Variants in RGS5 observed in about 807,000 individuals in gnomAD.
RGS5 encodes regulator of G protein signaling 5.
RGS5 carries 20 observed loss-of-function variants against 18.9 expected under a neutral mutation model. That is an observed-to-expected ratio of 1.06 (90% confidence interval 0.74 to 1.54). RGS5 has a LOEUF of 1.54. RGS5 is among the 40% of genes most tolerant of loss of function. The pLI, the probability that RGS5 is intolerant of heterozygous loss-of-function variation, is 0.00. For synonymous variants in RGS5, 57 were observed against 76.2 expected, an observed-to-expected ratio of 0.75 and a Z score of 1.31; for missense variants, 201 against 211.8, an observed-to-expected ratio of 0.95 and a Z score of 0.32.
In RGS5 at chr1:163,145,796, A is replaced by C. The variant is rs1338767815; in HGVS notation, c.*1546T>G. ...GCTTCACTTTCAATATTCTTAGGAA[A>C]TAACCAAATAAATGAGCTACAAATA... On this transcript the variant is annotated 3_prime_UTR_variant, in exon 5 of 5. Transcript: ENST00000313961. 3.3e-5 allele frequency: 5 copies of C among 152,202 alleles called. No homozygotes were observed. The highest frequency in any genetic ancestry group is 7.3e-5 in the Non-Finnish European group (5 of 68,034). The allele number at this position is 152,202 out of a possible 1,614,324, so 9.4% of individuals were successfully genotyped here. A position where few individuals can be genotyped will look rare whatever the true frequency, so the allele number is the denominator to read the frequency against.
upstream of RGS5, among the ~76,000 whole-genome samples, chr1:163,204,542 G>T (rs537228682): frequency 7.9e-5 from 12 of 152,196 alleles, no homozygotes; most frequent in East Asian, 1.5e-3. Flanking sequence ...AATACACAGG[G>T]TCTAGTTTTG....
intron 2 of RGS5, among the ~76,000 whole-genome samples, chr1:163,276,169 T>A (rs1648847450): frequency 6.6e-6 from 1 of 152,090 alleles, no homozygotes; most frequent in South Asian, 2.1e-4. Context: ...TAATTTTGTA[T>A]TTTTAGTAAA....
intron 1 of RGS5, among the ~76,000 whole-genome samples, chr1:163,185,543 C>T (rs1659034570): frequency 6.6e-6 from 1 of 152,174 alleles, no homozygotes; most frequent in Admixed American, 6.5e-5. Context: ...TCTCTCTTTC[C>T]TCCTGTCATC....
intron 2 of RGS5, among the ~76,000 whole-genome samples, chr1:163,263,156 A>G (rs1557924048): frequency 6.6e-6 from 1 of 152,164 alleles, no homozygotes; most frequent in Non-Finnish European, 1.5e-5. Flanking sequence ...GCATCTTACA[A>G]AAGATCTTCT....
intron 2 of RGS5, among the ~76,000 whole-genome samples, chr1:163,234,987 C>T (rs757272217): frequency 5.9e-5 from 9 of 152,160 alleles, no homozygotes; most frequent in Non-Finnish European, 1.0e-4. Flanking sequence ...AATTGTACAC[C>T]ATCACTTCTG....
At chr1:163,159,870 T>G (rs1001946816) in intron 3 of RGS5, among the ~76,000 whole-genome samples, 1 of 152,078 alleles carries the variant, frequency 6.6e-6, no homozygotes, top group Non-Finnish European at 1.5e-5. Context: ...TTGTGAATAT[T>G]ATATATATAC....
At chr1:163,305,742 GAAGA>G (rs1434914505) in intron 2 of RGS5, among the ~76,000 whole-genome samples, 1 of 152,308 alleles carries the variant, frequency 6.6e-6, no homozygotes, top group East Asian at 1.9e-4. Context: ...AAAGGAACAA[GAAGA>G]AAGACTCTCC....
intron 2 of RGS5, among the ~76,000 whole-genome samples, chr1:163,235,293 C>T (rs1451631040): frequency 2.0e-5 from 3 of 152,276 alleles, no homozygotes; most frequent in Non-Finnish European, 2.9e-5. Context: ...GATACCACTC[C>T]GCTTAAGCTA....
At chr1:163,270,839 G>A (rs1012509115) in intron 2 of RGS5, among the ~76,000 whole-genome samples, 2 of 152,156 alleles carry the variant, frequency 1.3e-5, no homozygotes, top group African/African-American at 4.8e-5. Context: ...GTCAGACAAT[G>A]AGGAAGAAAA....
chr1:163,207,974 A>G (rs1350194605), intron 1 of RGS5, among the ~76,000 whole-genome samples: 1 of 152,188 alleles, frequency 6.6e-6, no homozygotes, highest in African/African-American at 2.4e-5. Context: ...CATAAAAGAC[A>G]TAATTATTCA....
At chr1:163,186,578 C>CAAAAA (rs34092786) in intron 1 of RGS5, among the ~76,000 whole-genome samples, 17 of 95,914 alleles carry the variant, frequency 1.8e-4, no homozygotes, top group South Asian at 3.7e-4. Context: ...GACTCTGTCT[C>CAAAAA]AAAAAAAAAA....
At chr1:163,291,360 C>G (rs140863826) in intron 2 of RGS5, among the ~76,000 whole-genome samples, 2 of 152,238 alleles carry the variant, frequency 1.3e-5, no homozygotes, top group Non-Finnish European at 2.9e-5. Context: ...TTATGGCAAG[C>G]TAACTTTGGG....
At chr1:163,242,661 T>C (rs557588774) in intron 2 of RGS5, among the ~76,000 whole-genome samples, 2 of 152,226 alleles carry the variant, frequency 1.3e-5, no homozygotes, top group South Asian at 2.1e-4. Flanking sequence ...CAGGAAATTG[T>C]GTGTATATTG....
chr1:163,214,673 T>A (rs1660178433), intron 1 of RGS5, among the ~76,000 whole-genome samples: 1 of 152,178 alleles, frequency 6.6e-6, no homozygotes, highest in Admixed American at 6.6e-5. Context: ...TTTAAAGAAT[T>A]TTTTCCATAT....
At chr1:163,208,266 T>TG in intron 1 of RGS5, among the ~76,000 whole-genome samples, 1 of 29,398 alleles carries the variant, frequency 3.4e-5, no homozygotes, top group Non-Finnish European at 5.2e-5. Flanking sequence ...GAGAATGGCG[T>TG]GAACCCGGGA....
intron 2 of RGS5, among the ~76,000 whole-genome samples, chr1:163,166,383 G>A (rs1466492140): frequency 1.3e-5 from 2 of 152,136 alleles, no homozygotes; most frequent in South Asian, 2.1e-4. Flanking sequence ...CAAAGAATAT[G>A]AGAAGGGTTA....
At chr1:163,234,295 C>T (rs1647563669) in intron 2 of RGS5, among the ~76,000 whole-genome samples, 1 of 152,138 alleles carries the variant, frequency 6.6e-6, no homozygotes, top group African/African-American at 2.4e-5. Flanking sequence ...AATTTTTACA[C>T]ATCTATTGAG....
In RGS5 at chr1:163,267,915, G is replaced by A. The variant is rs951499119; in HGVS notation, c.-281+38318C>T. ...CCATATTTGGCAAATTATTCAAGGA[G>A]CTGAATAATAAATTTTCTCCAATTA... On this transcript the variant is annotated intron_variant, in intron 2 of 5. Coordinates refer to the RGS5 transcript ENST00000618415. 3.3e-5 allele frequency among the ~76,000 whole-genome samples: 5 copies of A among 152,080 alleles called. No homozygotes were observed. In the East Asian group the frequency reaches 9.7e-4, roughly 29 times the overall value.
At chr1:163,172,792 T>C (rs1234276448) in intron 1 of RGS5, among the ~76,000 whole-genome samples, 2 of 152,206 alleles carry the variant, frequency 1.3e-5, no homozygotes. Flanking sequence ...CATACAACAG[T>C]AAAGTTTAAA....
Sources: allele counts gnomAD v4.1 joint callset (sites outside exome capture counted in the v4.1 genomes callset), GRCh38; gene constraint gnomAD v4.1.1; transcripts MANE v1.5; gene names NCBI Gene and HGNC (gene_info 2026-07-23, HGNC 2026-07-21).